Variants in NEK11 observed in about 807,000 individuals in gnomAD.
NEK11 encodes NIMA related kinase 11, also known as serine/threonine-protein kinase Nek11.
NEK11 carries 72 observed loss-of-function variants against 80.7 expected under a neutral mutation model. The observed-to-expected ratio is 0.89, with a 90% CI of 0.74 to 1.08. The LOEUF (loss-of-function observed/expected upper bound fraction) is 1.08. NEK11 is among the 50% of genes least tolerant of loss of function. NEK11 has a pLI of 0.00. For synonymous variants in NEK11, 251 were observed against 260.7 expected, an observed-to-expected ratio of 0.96 and a Z score of 0.36; for missense variants, 764 against 763.6, an observed-to-expected ratio of 1.00 and a Z score of -0.01.
intron 16 of NEK11, among the ~76,000 whole-genome samples, chr3:131,271,593 G>A (rs1025576173): frequency 6.6e-6 from 1 of 151,118 alleles, no homozygotes; most frequent in Non-Finnish European, 1.5e-5. Flanking sequence ...TCAGGAGTTC[G>A]AGACTAGCCT....
chr3:131,145,972 C>T lies in NEK11; in HGVS notation c.648-6416C>T, dbSNP rs2088134211. ...TTTTCATTATTATTATTATAATTAT[C>T]ATTATTGTTGTTACCATTTGTGTTA... On this transcript the variant is annotated intron_variant, in intron 7 of 17. Coordinates refer to ENST00000383366, the MANE Select transcript of NEK11 (RefSeq NM_024800.5). Among the ~76,000 whole-genome samples the T allele has an allele frequency of 1.3e-5, 2 of 152,036 alleles. 1 individual carries two copies. The highest frequency in any genetic ancestry group is 4.2e-4 in the South Asian group (2 of 4,818).
intron 7 of NEK11, among the ~76,000 whole-genome samples, chr3:131,150,408 A>G (rs1369483875): frequency 6.6e-6 from 1 of 151,940 alleles, no homozygotes; most frequent in Non-Finnish European, 1.5e-5. Context: ...TGCTTCATAC[A>G]CACACACATG....
chr3:131,048,934 T>C (rs536563340), intron 3 of NEK11, among the ~76,000 whole-genome samples: 1 of 152,304 alleles, frequency 6.6e-6, no homozygotes, highest in East Asian at 1.9e-4. Flanking sequence ...AGCTCTTGCA[T>C]TGAGACGCTG....
At chr3:131,079,857 G>A (rs1308125898) in intron 3 of NEK11, among the ~76,000 whole-genome samples, 1 of 152,052 alleles carries the variant, frequency 6.6e-6, no homozygotes, top group East Asian at 1.9e-4. Flanking sequence ...GATATATTTG[G>A]AAAATTTTAA....
intron 5 of NEK11, among the ~76,000 whole-genome samples, chr3:131,117,569 A>G (rs1452296164): frequency 6.6e-6 from 1 of 152,070 alleles, no homozygotes; most frequent in Non-Finnish European, 1.5e-5. Flanking sequence ...CTTGGGCAGT[A>G]TGGCCATTTT....
At chr3:131,111,213 G>A (rs768463948) in intron 5 of NEK11, among the ~76,000 whole-genome samples, 72 of 152,086 alleles carry the variant, frequency 4.7e-4, no homozygotes, top group Non-Finnish European at 9.6e-4. Flanking sequence ...CTTAGTAATA[G>A]TTAAAATAAA....
In NEK11 at chr3:131,161,193, G is replaced by T. The variant is rs1208808718; in HGVS notation, c.963-1215G>T. ...AAAAAAAGTCAAAAAATAGATGCTT[G>T]TGAGGTTGCAGAGAAAAAGGAACAC... On this transcript the variant is annotated intron_variant, in intron 10 of 17. Coordinates refer to ENST00000383366, the MANE Select transcript of NEK11 (RefSeq NM_024800.5). Among the ~76,000 whole-genome samples, 5 of 151,644 alleles carry T rather than the reference G, an allele frequency of 3.3e-5. No individual in the cohort carries two copies. In the East Asian group the frequency reaches 9.7e-4, roughly 29 times the overall value.
intron 17 of NEK11, chr3:131,327,627 G>A (rs925508707): frequency 7.9e-5 from 12 of 151,054 alleles, no homozygotes; most frequent in Non-Finnish European, 1.5e-4. Flanking sequence ...ATACATATGT[G>A]GATCTCCATT....
At chr3:131,168,647 C>T (rs1028200505) in intron 12 of NEK11, among the ~76,000 whole-genome samples, 183 bp from the exon 13 acceptor site, 6 of 152,102 alleles carry the variant, frequency 3.9e-5, no homozygotes, top group Admixed American at 1.3e-4. Context: ...TGAGCCACCG[C>T]GCCCGGCCGA....
At chr3:131,129,618 T>C (rs2084048179) in intron 5 of NEK11, among the ~76,000 whole-genome samples, 1 of 152,180 alleles carries the variant, frequency 6.6e-6, no homozygotes, top group Non-Finnish European at 1.5e-5. Flanking sequence ...TTTGAGTTAA[T>C]TTTTGCAAAG....
chr3:131,290,727 CTGT>C (rs929816561), intron 17 of NEK11, among the ~76,000 whole-genome samples: 3 of 152,204 alleles, frequency 2.0e-5, no homozygotes, highest in Admixed American at 6.5e-5. Flanking sequence ...ATGCCAAACT[CTGT>C]AAGATCAGAT....
chr3:131,083,421 C>G (rs2075564422), intron 4 of NEK11, among the ~76,000 whole-genome samples: 1 of 152,218 alleles, frequency 6.6e-6, no homozygotes, highest in Admixed American at 6.5e-5. Flanking sequence ...TGCCACTGAG[C>G]TGGCAGGTTG....
intron 17 of NEK11, among the ~76,000 whole-genome samples, chr3:131,304,242 T>G (rs571233547): frequency 2.9e-4 from 44 of 152,348 alleles, no homozygotes; most frequent in African/African-American, 9.9e-4. Flanking sequence ...GGAAGTGAGT[T>G]TTTCAGCTCT....
chr3:131,266,933 C>T (rs971557949), intron 16 of NEK11, among the ~76,000 whole-genome samples: 10 of 152,184 alleles, frequency 6.6e-5, no homozygotes, highest in African/African-American at 2.4e-4. Context: ...GATCCCTTTA[C>T]CATTATGCCA....
chr3:131,150,292 A>G (rs2089380864), intron 7 of NEK11, among the ~76,000 whole-genome samples: 1 of 151,898 alleles, frequency 6.6e-6, no homozygotes, highest in African/African-American at 2.4e-5. Flanking sequence ...AAAAAATTGA[A>G]TTCTGTTATT....
At chr3:131,186,609 A>C (rs765644523) in intron 14 of NEK11, among the ~76,000 whole-genome samples, 2 of 152,210 alleles carry the variant, frequency 1.3e-5, no homozygotes, top group African/African-American at 2.4e-5. Context: ...CCAGCCGTTT[A>C]GAGCCCATAC....
chr3:131,345,244 A>C (rs1253275667), intron 17 of NEK11, among the ~76,000 whole-genome samples: 1 of 152,236 alleles, frequency 6.6e-6, no homozygotes, highest in East Asian at 1.9e-4. Flanking sequence ...ACAATTAACA[A>C]AGGAAAAGAC....
intron 16 of NEK11, among the ~76,000 whole-genome samples, chr3:131,264,271 T>A (rs1187470292): frequency 2.6e-5 from 4 of 152,206 alleles, no homozygotes; most frequent in South Asian, 2.1e-4. Flanking sequence ...GGTGTTTTAG[T>A]CATGAAGTCC....
intron 3 of NEK11, among the ~76,000 whole-genome samples, chr3:131,063,472 G>C (rs1577672499): frequency 1.3e-5 from 2 of 152,148 alleles, no homozygotes; most frequent in African/African-American, 4.8e-5. Flanking sequence ...GAGGGCAACT[G>C]TCCTTTTTCT....
Sources: gnomAD v4.1 joint callset for allele counts (sites outside exome capture counted in the v4.1 genomes callset) on GRCh38, gnomAD v4.1.1 for gene constraint, MANE v1.5 for transcripts, NCBI Gene and HGNC (gene_info 2026-07-23, HGNC 2026-07-21) for gene names.